SGCZ: variants seen among roughly 807,000 people sequenced by gnomAD.
The protein encoded by SGCZ is zeta-sarcoglycan.
Under a neutral mutation model 41.3 loss-of-function variants are expected in SGCZ, and 40 were observed. The observed-to-expected ratio is 0.97, with a 90% CI of 0.75 to 1.26. The LOEUF (loss-of-function observed/expected upper bound fraction) is 1.26. Among genes scored for constraint, SGCZ ranks in the 50% most tolerant of loss-of-function variants. The probability of loss-of-function intolerance (pLI) is 0.00; values close to 1 mark genes in which losing one functional copy is unlikely to be tolerated. For missense variants in SGCZ, 552 were observed against 369.8 expected (o/e 1.49, Z -4.04); for synonymous variants, 206 against 137.5 (o/e 1.50, Z -3.49).
At chr8:14,537,962 T>C (rs1803347945) in intron 2 of SGCZ, among the ~76,000 whole-genome samples, 1 of 151,942 alleles carries the variant, frequency 6.6e-6, no homozygotes, top group South Asian at 2.1e-4. Context: ...ATCCATCACA[T>C]ATATTTTTAA....
chr8:14,527,949 C>T (rs1803005443), intron 2 of SGCZ, among the ~76,000 whole-genome samples: 1 of 151,950 alleles, frequency 6.6e-6, no homozygotes, highest in East Asian at 1.9e-4. Context: ...ATACTGTGAG[C>T]AGGAACACTT....
intron 1 of SGCZ, among the ~76,000 whole-genome samples, chr8:15,044,929 G>A (rs1804246112): frequency 6.6e-6 from 1 of 151,978 alleles, no homozygotes; most frequent in Non-Finnish European, 1.5e-5. Flanking sequence ...AATTATGATG[G>A]TTTTGTTTGG....
intron 2 of SGCZ, among the ~76,000 whole-genome samples, chr8:14,427,234 C>A (rs1347708577): frequency 6.6e-6 from 1 of 152,104 alleles, no homozygotes; most frequent in Non-Finnish European, 1.5e-5. Context: ...CTAATGACTA[C>A]TAGCCTTAGT....
intron 1 of SGCZ, among the ~76,000 whole-genome samples, chr8:14,909,330 C>T (rs1304647856): frequency 1.3e-5 from 2 of 152,064 alleles, no homozygotes; most frequent in Non-Finnish European, 2.9e-5. Flanking sequence ...TTAAATAATT[C>T]CTTTTTTGAA....
chr8:14,938,231 G>T (rs543033650), intron 1 of SGCZ, among the ~76,000 whole-genome samples: 12 of 152,236 alleles, frequency 7.9e-5, no homozygotes, highest in Non-Finnish European at 1.3e-4. Context: ...GAATAAGCCA[G>T]AAATGAAAAC....
intron 3 of SGCZ, among the ~76,000 whole-genome samples, chr8:14,275,690 T>C (rs574895266): frequency 2.0e-5 from 3 of 152,258 alleles, no homozygotes; most frequent in Admixed American, 6.5e-5. Flanking sequence ...CTGGAATGCT[T>C]CTTCCCTTGA....
intron 2 of SGCZ, among the ~76,000 whole-genome samples, chr8:14,426,717 G>C (rs914494537): frequency 6.6e-6 from 1 of 152,216 alleles, no homozygotes; most frequent in African/African-American, 2.4e-5. Flanking sequence ...TAAAGAGCCT[G>C]AAACTCTCAC....
Position 14,905,316 on chromosome 8 carries a change from G to C in SGCZ, c.39+332269C>G, listed in dbSNP as rs1047514148. 2.0e-5 allele frequency among the ~76,000 whole-genome samples: 3 copies of C among 151,874 alleles called. No individual in the cohort carries two copies. The East Asian group carries it at 5.8e-4, about 29-fold the overall frequency. Reference sequence around the variant, plus strand: ...AAAACCGATTAAAAAGACAGTAATGGTAAATGGTAGGGATATTTCACCTCA... The same window carrying C: ...AAAACCGATTAAAAAGACAGTAATGCTAAATGGTAGGGATATTTCACCTCA... On this transcript the variant is annotated intron_variant, in intron 1 of 7. Coordinates refer to ENST00000382080, the MANE Select transcript of SGCZ (RefSeq NM_139167.4).
intron 1 of SGCZ, among the ~76,000 whole-genome samples, chr8:15,225,369 A>C (rs59828775): frequency 0.097 from 14,781 of 152,184 alleles, 945 homozygotes; most frequent in African/African-American, 0.18. Flanking sequence ...AGTAGGAAAT[A>C]TATAAGAAAA....
At chr8:14,959,658 A>G (rs1585413836) in intron 1 of SGCZ, among the ~76,000 whole-genome samples, 1 of 152,164 alleles carries the variant, frequency 6.6e-6, no homozygotes, top group Non-Finnish European at 1.5e-5. Flanking sequence ...TTTTACACAC[A>G]TATTCCAGAG....
chr8:14,115,455 T>C (rs750559726), intron 5 of SGCZ, among the ~76,000 whole-genome samples: 26 of 152,024 alleles, frequency 1.7e-4, no homozygotes, highest in Non-Finnish European at 3.1e-4. Flanking sequence ...AAAAATTTTA[T>C]TAATGATTAA....
chr8:15,120,271 A>C (rs771571713), intron 1 of SGCZ, among the ~76,000 whole-genome samples: 1 of 152,236 alleles, frequency 6.6e-6, no homozygotes, highest in Non-Finnish European at 1.5e-5. Context: ...GCTATGTTTA[A>C]GCCTATTTAA....
intron 1 of SGCZ, among the ~76,000 whole-genome samples, chr8:14,682,335 G>A (rs1352202173): frequency 6.6e-6 from 1 of 152,120 alleles, no homozygotes; most frequent in African/African-American, 2.4e-5. Flanking sequence ...CCACCAGATG[G>A]TGATAATAGG....
chr8:14,668,026 G>A (rs1392487048), intron 1 of SGCZ, among the ~76,000 whole-genome samples: 3 of 151,980 alleles, frequency 2.0e-5, no homozygotes, highest in Non-Finnish European at 2.9e-5. Context: ...GCACAATCCC[G>A]GCTCACTGCA....
At chr8:14,540,220 A>ATT (rs11428713) in intron 2 of SGCZ, among the ~76,000 whole-genome samples, 622 of 48,690 alleles carry the variant, frequency 0.013, 17 homozygotes, top group East Asian at 0.023. Flanking sequence ...TCTCTGCTTA[A>ATT]TTTTTTTTTT....
chr8:14,700,276 T>C (rs1344182963), intron 1 of SGCZ, among the ~76,000 whole-genome samples: 2 of 152,024 alleles, frequency 1.3e-5, no homozygotes, highest in Non-Finnish European at 2.9e-5. Context: ...TACACAGCCA[T>C]AGAAAAACAT....
intron 1 of SGCZ, among the ~76,000 whole-genome samples, chr8:14,843,330 T>A (rs1563309429): frequency 6.6e-6 from 1 of 152,168 alleles, no homozygotes; most frequent in Admixed American, 6.5e-5. Flanking sequence ...ATGAGTACAT[T>A]ATTAAAACTC....
At chr8:14,712,843 GT>G (rs1171961824) in intron 1 of SGCZ, among the ~76,000 whole-genome samples, 1 of 151,910 alleles carries the variant, frequency 6.6e-6, no homozygotes. Flanking sequence ...GAGTCACTGG[GT>G]TTTCTATTGT....
intron 1 of SGCZ, among the ~76,000 whole-genome samples, chr8:14,710,102 C>G (rs567667424): frequency 6.6e-6 from 1 of 152,024 alleles, no homozygotes; most frequent in African/African-American, 2.4e-5. Context: ...CGCGGTGGCT[C>G]ACGCCTGTAA....
Sources: gnomAD v4.1 joint callset for allele counts (sites outside exome capture counted in the v4.1 genomes callset) on GRCh38, gnomAD v4.1.1 for gene constraint, MANE v1.5 for transcripts, NCBI Gene and HGNC (gene_info 2026-07-23, HGNC 2026-07-21) for gene names.